SLC7A14: variants seen among roughly 807,000 people sequenced by gnomAD.
The protein encoded by SLC7A14 is gamma-aminobutyric acid transporter SLC7A14.
In SLC7A14, 37 loss-of-function variants were observed where a neutral mutation model predicts 60.2. The ratio of observed to expected loss-of-function variants is 0.61; its 90% CI spans 0.47 to 0.81. SLC7A14 has a LOEUF of 0.81. Ranked by LOEUF, SLC7A14 falls within the 30% of genes least tolerant of loss-of-function variation. SLC7A14 has a pLI of 0.00. For synonymous variants in SLC7A14, 399 were observed against 395.8 expected (o/e 1.01, Z -0.10); for missense variants, 886 against 982.7 (o/e 0.90, Z 1.32).
chr3:170,499,265 A>AAAAAAAAAC (rs1712528040), intron 3 of SLC7A14, among the ~76,000 whole-genome samples: 1 of 135,616 alleles, frequency 7.4e-6, no homozygotes, highest in African/African-American at 3.2e-5. Flanking sequence ...AAAAAAAAAA[A>AAAAAAAAAC]AAGAAGGGCA....
chr3:170,483,443 T>G lies in SLC7A14; in HGVS notation c.986A>C (p.His329Pro), dbSNP rs1313993743. ...TACGAATTTGGCAGCATAGAACCCA[T>G]GAGCCACAAACATCTCCATGAGTGG... ...ESPLMEMFVA[H>P]GFYAAKFVVA... Residue 329 changes from histidine (H) to proline (P), a missense_variant, in exon 6 of 8, where the codon CAT becomes CCT. Coordinates refer to ENST00000231706, the MANE Select transcript of SLC7A14 (RefSeq NM_020949.3). The G allele has an allele frequency of 6.2e-7, 1 of 1,614,164 alleles. No individual in the cohort carries two copies. The highest frequency in any genetic ancestry group is 1.3e-5 in the African/African-American group (1 of 75,036).
chr3:170,560,728 T>G (rs186616208), intron 1 of SLC7A14, among the ~76,000 whole-genome samples: 5 of 152,298 alleles, frequency 3.3e-5, no homozygotes, highest in African/African-American at 1.2e-4. Context: ...GCAACTCTTC[T>G]CAATAACAGA....
At chr3:170,538,491 A>T (rs1046106334) in intron 1 of SLC7A14, among the ~76,000 whole-genome samples, 4 of 152,194 alleles carry the variant, frequency 2.6e-5, no homozygotes, top group Non-Finnish European at 4.4e-5. Context: ...ATTTCATGTA[A>T]TACAACAATA....
Position 170,564,735 on chromosome 3 carries a change from G to A in SLC7A14, c.-153+21176C>T, listed in dbSNP as rs76846974. 4.7e-3 allele frequency among the ~76,000 whole-genome samples: 713 copies of A among 152,302 alleles called. 7 individuals are homozygous for A. Among genetic ancestry groups the A allele is most frequent in the African/African-American group, 0.016 (684 of 41,576 alleles). ...TTATAGGACTGTTGCCCTAATTTGT[G>A]TTAATGTATATGAAATGCCTGGTGC... On this transcript the variant is annotated intron_variant, in intron 1 of 7. Transcript: ENST00000231706.
intron 7 of SLC7A14, among the ~76,000 whole-genome samples, chr3:170,467,846 G>T (rs945839476): frequency 2.0e-5 from 3 of 152,146 alleles, no homozygotes; most frequent in African/African-American, 4.8e-5. Flanking sequence ...GTTCTTATAA[G>T]ATTTGATTAT....
Position 170,585,641 on chromosome 3 carries a change from C to G in SLC7A14, c.-153+270G>C, listed in dbSNP as rs1162604925. 6.6e-5 allele frequency among the ~76,000 whole-genome samples: 10 copies of G among 152,162 alleles called. No homozygotes were observed. Among genetic ancestry groups the G allele is most frequent in the Non-Finnish European group, 1.3e-4 (9 of 68,002 alleles). On this transcript the variant is annotated intron_variant, in intron 1 of 7. Coordinates refer to ENST00000231706, the MANE Select transcript of SLC7A14 (RefSeq NM_020949.3). The surrounding 1 kb of genome is among the most constrained non-coding windows in gnomAD (Gnocchi z 5.1). The stretch of plus-strand genomic sequence containing the variant: ...GCCCCGCCCGGCAGCTCCCGCGAGT[C>G]AGAGCCCGGTGCCCCCAGACCGCGG...
rs200599026 is a variant in SLC7A14 at position 170,563,413 on chromosome 3, G to GTTTT, written c.-153+22497_-153+22498insAAAA. Among the ~76,000 whole-genome samples, 44 of 111,324 alleles carry GTTTT rather than the reference G, an allele frequency of 4.0e-4. 1 individual carries two copies. Among genetic ancestry groups the GTTTT allele is most frequent in the African/African-American group, 5.4e-4 (15 of 27,826 alleles). 73.0% of individuals were successfully genotyped at this position (111,324 alleles called of 152,430 possible). ...TCAGTTCAACAAACACTGTTTGTTT[G>GTTTT]TTTGTTTTTTTTTTTTTTTTTTGAG... On this transcript the variant is annotated intron_variant, in intron 1 of 7. Transcript: ENST00000231706.
chr3:170,468,771 C>G (rs1258289379), intron 7 of SLC7A14, among the ~76,000 whole-genome samples: 4 of 152,204 alleles, frequency 2.6e-5, no homozygotes, highest in African/African-American at 9.6e-5. Flanking sequence ...CCTCTCTGTT[C>G]CTCAGCATTC....
At chr3:170,567,252 T>C (rs542587849) in intron 1 of SLC7A14, among the ~76,000 whole-genome samples, 46 of 150,304 alleles carry the variant, frequency 3.1e-4, no homozygotes, top group African/African-American at 1.1e-3. Context: ...AGTGAGAATA[T>C]GCGGTGTTTT....
intron 7 of SLC7A14, among the ~76,000 whole-genome samples, chr3:170,478,089 AT>A (rs1471838431): frequency 3.9e-5 from 6 of 151,986 alleles, no homozygotes; most frequent in Non-Finnish European, 7.4e-5. Context: ...TTTTAAAAAA[AT>A]TTTTTGAAAT....
chr3:170,499,567 A>G (rs1338711968), intron 3 of SLC7A14, among the ~76,000 whole-genome samples: 1 of 152,234 alleles, frequency 6.6e-6, no homozygotes, highest in Non-Finnish European at 1.5e-5. Flanking sequence ...TTTTAATTTT[A>G]CAGTCTGTAA....
At position 170,568,725 on chromosome 3, in the gene SLC7A14, C is replaced by T. The variant is rs1362039080; in HGVS notation, c.-153+17186G>A. ...TAGTTCTCCTTGAAGAGTTCCTTCA[C>T]GTCCCTTGTAAGTTGGATTCCTAGG... On this transcript the variant is annotated intron_variant, in intron 1 of 7. Transcript: ENST00000231706. Among the ~76,000 whole-genome samples the T allele has an allele frequency of 6.6e-5, 10 of 152,168 alleles. No homozygotes were observed. The East Asian group carries it at 7.7e-4, about 12-fold the overall frequency.
intron 7 of SLC7A14, among the ~76,000 whole-genome samples, chr3:170,471,090 G>GTGTGTGTGTGTGTGTGTGT (rs1553864202): frequency 5.5e-5 from 8 of 146,356 alleles, no homozygotes; most frequent in African/African-American, 1.8e-4. Context: ...TCTGGGAAGG[G>GTGTGTGTGTGTGTGTGTGT]GTGTGTGTGT....
chr3:170,577,640 A>AG (rs1715134621), intron 1 of SLC7A14, among the ~76,000 whole-genome samples: 1 of 151,376 alleles, frequency 6.6e-6, no homozygotes, highest in Non-Finnish European at 1.5e-5. Context: ...AAAAAAAAAA[A>AG]AAAAAAAAGA....
chr3:170,481,053 A>G lies in SLC7A14; in HGVS notation c.1229T>C (p.Met410Thr). 6.2e-7 allele frequency: 1 copy of G among 1,614,146 alleles called. No individual in the cohort carries two copies. Among genetic ancestry groups the G allele is most frequent in the Non-Finnish European group, 8.5e-7 (1 of 1,180,030 alleles). ...GGCCAGGAGCGTGCCGATAGACATC[A>G]TCTCTATCAGGTCTCTCAAGCTGAC... ...LLVSLRDLIEMMSIGTLLAYT... is the reference protein window; with the variant it reads ...LLVSLRDLIETMSIGTLLAYT... Residue 410 changes from methionine (M) to threonine (T), a missense_variant, in exon 7 of 8, where the codon ATG (methionine) becomes ACG (threonine). Coordinates refer to ENST00000231706, the MANE Select transcript of SLC7A14 (RefSeq NM_020949.3).
chr3:170,479,178 A>G (rs2108267937), intron 7 of SLC7A14, among the ~76,000 whole-genome samples: 1 of 152,182 alleles, frequency 6.6e-6, no homozygotes, highest in South Asian at 2.1e-4. Context: ...AACAACAAAA[A>G]GAGTCTCTTT....
chr3:170,513,846 GC>G (rs1713064247), intron 2 of SLC7A14, among the ~76,000 whole-genome samples: 1 of 152,284 alleles, frequency 6.6e-6, no homozygotes, highest in East Asian at 1.9e-4. Flanking sequence ...TAACCCACAA[GC>G]TGTCAACAGA....
intron 1 of SLC7A14, among the ~76,000 whole-genome samples, chr3:170,583,552 TC>T (rs1157053652): frequency 3.3e-5 from 5 of 152,250 alleles, no homozygotes; most frequent in Non-Finnish European, 7.3e-5. Flanking sequence ...TTCTAATTTT[TC>T]AATCATGTGA....
At chr3:170,496,770 C>T in intron 4 of SLC7A14, 2 of 726,988 alleles carry the variant, frequency 2.8e-6, no homozygotes, top group Non-Finnish European at 5.0e-6. Context: ...TTGGCTCTGT[C>T]GCGGGCTCCA....
Sources: allele counts gnomAD v4.1 joint callset (sites outside exome capture counted in the v4.1 genomes callset), GRCh38; gene constraint gnomAD v4.1.1; non-coding constraint Gnocchi (gnomAD v3.1); transcripts MANE v1.5; gene names NCBI Gene and HGNC (gene_info 2026-07-23, HGNC 2026-07-21).